Variants in PODN observed in about 807,000 individuals in gnomAD.
The protein encoded by PODN is podocan proteoglycan.
In PODN, 40 loss-of-function variants were observed where a neutral mutation model predicts 52.7. That is an observed-to-expected ratio of 0.76 (90% confidence interval 0.59 to 0.99). The LOEUF (loss-of-function observed/expected upper bound fraction) is 0.99. PODN is among the 50% of genes least tolerant of loss of function. PODN has a pLI of 0.00. For missense variants in PODN, 720 were observed against 815.1 expected (o/e 0.88, Z 1.42); for synonymous variants, 396 against 377.9 (o/e 1.05, Z -0.56).
chr1:53,071,673 C>A (rs373290220), intron 3 of PODN, 45 bp downstream of exon 3: 6 of 1,551,146 alleles, frequency 3.9e-6, no homozygotes, highest in Admixed American at 1.7e-5. Flanking sequence ...CCAAGTGGGG[C>A]CTTGGGGGCC....
Position 53,077,784 on chromosome 1 carries a change from GACA to G in PODN, c.841_843del (p.Asn281del), listed in dbSNP as rs778678128. 18 of 1,613,368 alleles carry G rather than the reference GACA, an allele frequency of 1.1e-5. No individual in the cohort carries two copies. Among genetic ancestry groups the G allele is most frequent in the Admixed American group, 1.7e-5 (1 of 59,984 alleles). ...CAACTACCTGACTGACGAGGGCCTG[GACA>G]ACGAGACCTTCTGGTGAGTCCTTGT... On this transcript the variant is annotated inframe_deletion, in exon 7 of 11. Coordinates refer to ENST00000312553, the MANE Select transcript of PODN (RefSeq NM_153703.5).
rs752658475 is a variant in PODN at position 53,069,877 on chromosome 1, C to T, written c.22C>T (p.Leu8=). 3.2e-6 allele frequency: 5 copies of T among 1,565,916 alleles called. No homozygotes were observed. In the African/African-American group the frequency reaches 5.4e-5, roughly 17 times the overall value. Residue 8 remains leucine, a synonymous_variant, in exon 2 of 11, where the codon CTG becomes TTG. Coordinates refer to ENST00000312553, the MANE Select transcript of PODN (RefSeq NM_153703.5). MAQSRVL[L]LLLLLPPQLH... is the part of the protein sequence containing the mutation. Reference sequence around the variant, plus strand: ...CACCATGGCCCAGAGCCGGGTGCTGCTGCTCCTGCTGCTGCTGCCGCCACA... The same window carrying T: ...CACCATGGCCCAGAGCCGGGTGCTGTTGCTCCTGCTGCTGCTGCCGCCACA...
Position 53,071,284 on chromosome 1 carries a change from G to A in PODN, c.313-251G>A, listed in dbSNP as rs1179476972. On this transcript the variant is annotated intron_variant, in intron 2 of 10. Coordinates refer to ENST00000312553, the MANE Select transcript of PODN (RefSeq NM_153703.5). ...ATAGCATGTCGAGTTTGAACTGCCC[G>A]TAGATGTCCATGTGTGGGCTCCCTG... is the stretch of plus-strand genomic sequence containing the variant. The A allele has an allele frequency of 3.0e-5, 13 of 430,220 alleles. 1 individual carries two copies. The highest frequency in any genetic ancestry group is 4.3e-5 in the South Asian group (1 of 23,472). The allele number at this position is 430,220 out of a possible 1,614,324, so 26.7% of individuals were successfully genotyped here.
chr1:53,078,581 C>A lies in PODN; in HGVS notation c.1071C>A (p.Gly357=). 1.2e-6 allele frequency: 2 copies of A among 1,613,096 alleles called. No individual in the cohort carries two copies. The highest frequency in any genetic ancestry group is 2.2e-5 in the East Asian group (1 of 44,890). The part of the protein sequence containing the change: ...EQGIHPLAFQ[G]LKRLHTVHLY... ...GCATCCACCCACTGGCCTTCCAGGG[C>A]CTCAAGCGGTTGCACACGGTGCACC... is the stretch of plus-strand genomic sequence containing the variant. The change falls in exon 8 of 11, where the codon GGC becomes GGA. Residue 357 remains glycine, a synonymous_variant. Coordinates refer to ENST00000312553, the MANE Select transcript of PODN (RefSeq NM_153703.5).
At chr1:53,067,125 G>A (rs557709492) in intron 1 of PODN, among the ~76,000 whole-genome samples, 6 of 152,278 alleles carry the variant, frequency 3.9e-5, no homozygotes, top group South Asian at 2.1e-4. Flanking sequence ...TGGAGTGAGC[G>A]TAGGGCTGGG....
chr1:53,062,896 C>T (rs1236987050), intron 1 of PODN, among the ~76,000 whole-genome samples: 2 of 152,240 alleles, frequency 1.3e-5, no homozygotes, highest in Admixed American at 1.3e-4. Context: ...AGCTTAGTGC[C>T]AACCACTAGT....
chr1:53,064,315 C>G (rs1644002607), intron 1 of PODN, among the ~76,000 whole-genome samples: 1 of 152,226 alleles, frequency 6.6e-6, no homozygotes, highest in Non-Finnish European at 1.5e-5. Flanking sequence ...CACCCTAACC[C>G]AGCCAAGGGG....
At chr1:53,075,996 C>A in intron 5 of PODN, 25 bp downstream of exon 5, 1 of 1,538,736 alleles carries the variant, frequency 6.5e-7, no homozygotes, top group Non-Finnish European at 8.8e-7. Context: ...GTGGTCAGGG[C>A]TCGGGCTGGG....
rs1219491034 is a variant in PODN at position 53,078,975 on chromosome 1, A to G, written c.1465A>G (p.Ser489Gly). 3.2e-6 allele frequency: 5 copies of G among 1,574,024 alleles called. No individual in the cohort carries two copies. The Admixed American group carries it at 7.2e-5, about 23-fold the overall frequency. The change falls in exon 8 of 11, where the codon AGC (serine) becomes GGC (glycine). Residue 489 changes from serine to glycine, a missense_variant. Coordinates refer to ENST00000312553, the MANE Select transcript of PODN (RefSeq NM_153703.5). ...GTACCTCACCAGCAACCGACTGCGC[A>G]GCCGAGCCCTGGGCCCCCGTGCCTG... The part of the protein sequence containing the change: ...ELYLTSNRLR[S>G]RALGPRAWVD...
At chr1:53,074,580 C>G (rs755077891) in intron 3 of PODN, 26 bp from the exon 4 acceptor site, 51 of 1,613,546 alleles carry the variant, frequency 3.2e-5, no homozygotes, top group Non-Finnish European at 4.3e-5. Context: ...CCATCCAGGG[C>G]TCTGACCGAT....
rs767264077 is a variant in PODN at position 53,082,429 on chromosome 1, C to T, written c.*27+241C>T. On this transcript the variant is annotated intron_variant, in intron 10 of 10. Coordinates refer to ENST00000312553, the MANE Select transcript of PODN (RefSeq NM_153703.5). ...ATGAGGGTGCTGTCACGGGAGTGAC[C>T]GGGGGGCACTGGACATGTGGGTCGG... is the stretch of plus-strand genomic sequence containing the variant. Among the ~76,000 whole-genome samples, 3 of 152,070 alleles carry T rather than the reference C, an allele frequency of 2.0e-5. No individual in the cohort carries two copies. In the East Asian group the frequency reaches 5.8e-4, roughly 29 times the overall value.
At chr1:53,066,361 A>G (rs1644033257) in intron 1 of PODN, among the ~76,000 whole-genome samples, 1 of 152,228 alleles carries the variant, frequency 6.6e-6, no homozygotes, top group South Asian at 2.1e-4. Context: ...AAATATTATC[A>G]TGTAATCAAT....
intron 1 of PODN, 100 bp from the exon 2 acceptor site, chr1:53,069,701 G>A: frequency 6.9e-7 from 1 of 1,454,010 alleles, no homozygotes; most frequent in Non-Finnish European, 9.1e-7. Flanking sequence ...TCAGTCATCG[G>A]CTGGGCTCTG....
At chr1:53,082,684 C>G (rs985967958) in intron 10 of PODN, among the ~76,000 whole-genome samples, 9 of 152,194 alleles carry the variant, frequency 5.9e-5, no homozygotes, top group African/African-American at 2.2e-4. Context: ...CACATGCACA[C>G]AAATGCACAC....
intron 1 of PODN, chr1:53,063,537 C>T: frequency 1.0e-6 from 1 of 985,610 alleles, no homozygotes. Context: ...GCCGGCTGAT[C>T]TGCAGGCGCA....
In PODN at chr1:53,085,110, G is replaced by C. The variant is rs1385037158; in HGVS notation, c.*625G>C. ...TTTTATTCCTTTCCCATCCTATGGG[G>C]ACAGGAGCCTTCAGGACTGCTGGCC... On this transcript the variant is annotated 3_prime_UTR_variant, in exon 11 of 11. Transcript: ENST00000312553. 6.6e-6 allele frequency: 1 copy of C among 152,314 alleles called. No individual in the cohort carries two copies. The highest frequency in any genetic ancestry group is 2.4e-5 in the African/African-American group (1 of 41,468). 9.4% of individuals were successfully genotyped at this position (152,314 alleles called of 1,614,324 possible).
chr1:53,068,589 C>T (rs1382953112), intron 1 of PODN, among the ~76,000 whole-genome samples: 1 of 152,202 alleles, frequency 6.6e-6, no homozygotes, highest in African/African-American at 2.4e-5. Flanking sequence ...TTATCTTACT[C>T]CACAGAAGCT....
At chr1:53,074,696 G>A (rs1395739785) in intron 4 of PODN, 26 bp downstream of exon 4, 2 of 1,610,188 alleles carry the variant, frequency 1.2e-6, no homozygotes, top group East Asian at 2.2e-5. Context: ...CAGGGTGGGG[G>A]GTTGCTGCCC....
intron 2 of PODN, among the ~76,000 whole-genome samples, chr1:53,070,427 G>A (rs891708488): frequency 6.6e-6 from 1 of 152,216 alleles, no homozygotes; most frequent in African/African-American, 2.4e-5. Context: ...GTCCAGGCTG[G>A]GCCCAGTAAG....
Sources: gnomAD v4.1 joint callset for allele counts (sites outside exome capture counted in the v4.1 genomes callset) on GRCh38, gnomAD v4.1.1 for gene constraint, MANE v1.5 for transcripts, NCBI Gene and HGNC (gene_info 2026-07-23, HGNC 2026-07-21) for gene names.